The following SV2C variants were observed in gnomAD, a reference collection of about 807,000 sequenced individuals.
The protein encoded by SV2C is synaptic vesicle glycoprotein 2C.
A neutral mutation model predicts 79.7 loss-of-function variants in SV2C; 49 were observed. That is an observed-to-expected ratio of 0.61 (90% CI 0.49 to 0.78). SV2C has a LOEUF of 0.78. SV2C is among the 30% of genes least tolerant of loss of function. The probability of loss-of-function intolerance (pLI) is 0.00; values close to 1 mark genes in which losing one functional copy is unlikely to be tolerated. For missense variants in SV2C, 833 were observed against 912.9 expected (o/e 0.91, Z 1.13); for synonymous variants, 334 against 333.2 (o/e 1.00, Z -0.03).
At chr5:76,131,182 G>C (rs1015702228) in intron 1 of SV2C, among the ~76,000 whole-genome samples, 6 of 152,056 alleles carry the variant, frequency 3.9e-5, no homozygotes, top group Non-Finnish European at 5.9e-5. Flanking sequence ...TTGTATATGG[G>C]GCTGCTTGCT....
chr5:76,276,342 C>A (rs1303287911), intron 4 of SV2C, among the ~76,000 whole-genome samples: 1 of 152,222 alleles, frequency 6.6e-6, no homozygotes, highest in African/African-American at 2.4e-5. Flanking sequence ...CAGGTTATCA[C>A]CCATCAGCCT....
At chr5:76,078,950 A>C, upstream of SV2C, 1 of 526,104 alleles carries the variant, frequency 1.9e-6, no homozygotes, top group South Asian at 1.6e-5. Flanking sequence ...AACAATGTAG[A>C]AAAAAGAATG....
the SV2C span, among the ~76,000 whole-genome samples, chr5:75,947,783 C>A: frequency 6.6e-6 from 1 of 151,942 alleles, no homozygotes. Context: ...CTTTGAACTT[C>A]TTCTTACAAA....
At chr5:76,239,118 G>A (rs1258025035) in intron 4 of SV2C, among the ~76,000 whole-genome samples, 2 of 152,084 alleles carry the variant, frequency 1.3e-5, no homozygotes, top group Admixed American at 1.3e-4. Context: ...TGACACCACA[G>A]TTTCCTTGGC....
chr5:76,071,012 A>G, the SV2C span, among the ~76,000 whole-genome samples: 1 of 152,156 alleles, frequency 6.6e-6, no homozygotes. Context: ...GGAACCCACC[A>G]TACTTTTAGG....
chr5:76,263,920 T>C lies in SV2C; in HGVS notation c.914-21242T>C, dbSNP rs553650761. On this transcript the variant is annotated intron_variant, in intron 4 of 12. Coordinates refer to ENST00000502798, the MANE Select transcript of SV2C (RefSeq NM_014979.4). ...TTTGTGTCCTGGGGTTGCTGGTTGCTCTTCTCAGGGAGTATCTTAGCGGTG... is the reference window on the plus strand; with the variant it reads ...TTTGTGTCCTGGGGTTGCTGGTTGCCCTTCTCAGGGAGTATCTTAGCGGTG... 2.0e-5 allele frequency among the ~76,000 whole-genome samples: 3 copies of C among 152,296 alleles called. No individual in the cohort carries two copies. The East Asian group carries it at 5.8e-4, about 29-fold the overall frequency.
chr5:75,890,959 C>T, the SV2C span, among the ~76,000 whole-genome samples: 3 of 152,020 alleles, frequency 2.0e-5, no homozygotes, highest in Non-Finnish European at 2.9e-5. Context: ...ACTGCAATCT[C>T]ATTTTCTCCT....
chr5:75,889,072 C>T, the SV2C span, among the ~76,000 whole-genome samples: 2 of 152,036 alleles, frequency 1.3e-5, no homozygotes, highest in African/African-American at 4.8e-5. Flanking sequence ...TAGTTCCACC[C>T]TAGTGACCAC....
rs1271023630 is a variant in SV2C at position 76,331,194 on chromosome 5, G to T, written c.*5647G>T. The stretch of plus-strand genomic sequence containing the variant: ...TTTCTTCTGAGGTGTTCTTTTCATG[G>T]TGTGAAACCAGAGACAGGAGCTAGG... On this transcript the variant is annotated 3_prime_UTR_variant, in exon 13 of 13. Transcript: ENST00000502798. 1 of 152,180 alleles carries T rather than the reference G, an allele frequency of 6.6e-6. No individual in the cohort carries two copies. 9.4% of individuals were successfully genotyped at this position (152,180 alleles called of 1,614,324 possible).
At chr5:76,231,851 G>A (rs1579967660) in intron 4 of SV2C, among the ~76,000 whole-genome samples, 1 of 145,974 alleles carries the variant, frequency 6.9e-6, no homozygotes, top group Non-Finnish European at 1.5e-5. Flanking sequence ...TGGACATTTG[G>A]GTTGGTTCCA....
chr5:76,006,729 A>G, the SV2C span, among the ~76,000 whole-genome samples: 1 of 152,120 alleles, frequency 6.6e-6, no homozygotes, highest in Non-Finnish European at 1.5e-5. Context: ...CACTCCCAGA[A>G]AACTTAGGCA....
At position 76,195,076 on chromosome 5, in the gene SV2C, C is replaced by G; in HGVS notation, c.738C>G (p.Phe246Leu). Reference protein sequence around the residue: ...SFVQGYGFFLFCRLLSGFGIG... With the variant: ...SFVQGYGFFLLCRLLSGFGIG... ...TCCAAGGTTATGGCTTCTTTCTCTT[C>G]TGTCGCTTACTTTCTGGATTCGGGT... Residue 246 changes from phenylalanine (F) to leucine (L), a missense_variant, in exon 3 of 13, where the codon TTC becomes TTG. Coordinates refer to ENST00000502798, the MANE Select transcript of SV2C (RefSeq NM_014979.4). 1 of 1,613,776 alleles carries G rather than the reference C, an allele frequency of 6.2e-7. No homozygotes were observed. The highest frequency in any genetic ancestry group is 1.1e-5 in the South Asian group (1 of 91,018).
chr5:76,053,703 A>G, the SV2C span, among the ~76,000 whole-genome samples: 1 of 152,130 alleles, frequency 6.6e-6, no homozygotes, highest in East Asian at 1.9e-4. Flanking sequence ...CTTCCTTAAT[A>G]GCAGTTCTCT....
chr5:75,938,168 C>T, the SV2C span, among the ~76,000 whole-genome samples: 2 of 152,188 alleles, frequency 1.3e-5, no homozygotes, highest in African/African-American at 2.4e-5. Context: ...GTACTTTCTG[C>T]AATTTCTCAT....
At chr5:76,063,754 A>G in the SV2C span, among the ~76,000 whole-genome samples, 63,336 of 151,992 alleles carry the variant, frequency 0.42, 13,732 homozygotes, top group East Asian at 0.72. Flanking sequence ...GGAGTTTTTG[A>G]AACATGTAAT....
intron 1 of SV2C, among the ~76,000 whole-genome samples, chr5:76,118,811 A>G (rs1301728322): frequency 1.3e-5 from 2 of 152,082 alleles, no homozygotes; most frequent in South Asian, 2.1e-4. Flanking sequence ...GCGAAACCCT[A>G]TCTCTACTAA....
At chr5:75,885,763 AT>A in the SV2C span, among the ~76,000 whole-genome samples, 1 of 151,948 alleles carries the variant, frequency 6.6e-6, no homozygotes, top group Admixed American at 6.6e-5. Context: ...GCTGGCATCT[AT>A]GAACTTGTTA....
intron 7 of SV2C, 59 bp downstream of exon 7, chr5:76,291,390 G>A (rs1471638546): frequency 2.8e-6 from 4 of 1,408,494 alleles, no homozygotes; most frequent in Non-Finnish European, 3.9e-6. Flanking sequence ...AGGTTAGTCA[G>A]AAGAGGGGTT....
At chr5:76,313,688 G>C (rs549542419) in intron 12 of SV2C, among the ~76,000 whole-genome samples, 71 of 152,282 alleles carry the variant, frequency 4.7e-4, no homozygotes, top group African/African-American at 1.7e-3. Flanking sequence ...TTTAATTGTG[G>C]GGTGCAGGAT....
Sources: allele counts gnomAD v4.1 joint callset (sites outside exome capture counted in the v4.1 genomes callset), GRCh38; gene constraint gnomAD v4.1.1; transcripts MANE v1.5; gene names NCBI Gene and HGNC (gene_info 2026-07-23, HGNC 2026-07-21).